The following UBE2E2 variants were observed in gnomAD, a reference collection of about 807,000 sequenced individuals.
UBE2E2 encodes ubiquitin-conjugating enzyme E2 E2.
A neutral mutation model predicts 24.7 loss-of-function variants in UBE2E2; 6 were observed. The ratio of observed to expected loss-of-function variants is 0.24; its 90% CI spans 0.13 to 0.48. UBE2E2 has a LOEUF of 0.48. UBE2E2 is among the 20% of genes least tolerant of loss of function. The pLI is 0.99. For missense variants in UBE2E2, 169 were observed against 245.0 expected (o/e 0.69, Z 2.07); for synonymous variants, 104 against 83.6 (o/e 1.24, Z -1.33).
At chr3:23,449,683 G>A (rs1398653170) in intron 3 of UBE2E2, among the ~76,000 whole-genome samples, 6 of 152,122 alleles carry the variant, frequency 3.9e-5, no homozygotes, top group Admixed American at 3.9e-4. Context: ...TTTCCTAGGG[G>A]ACTCAGGGGC....
intron 3 of UBE2E2, among the ~76,000 whole-genome samples, chr3:23,396,331 G>GTATATATATATGTATATATATACGTA (rs1575603864): frequency 1.4e-5 from 2 of 143,088 alleles, no homozygotes; most frequent in Non-Finnish European, 3.0e-5. Flanking sequence ...ATATATATAC[G>GTATATATATATGTATATATATACGTA]TATATATATA....
chr3:23,303,592 T>C (rs1032417268), intron 3 of UBE2E2, among the ~76,000 whole-genome samples: 1 of 152,180 alleles, frequency 6.6e-6, no homozygotes, highest in Non-Finnish European at 1.5e-5. Context: ...AACATTACTC[T>C]TAGGTAATAA....
intron 5 of UBE2E2, among the ~76,000 whole-genome samples, chr3:23,541,393 A>G (rs1461066625): frequency 6.6e-6 from 1 of 152,172 alleles, no homozygotes; most frequent in Non-Finnish European, 1.5e-5. Flanking sequence ...TGTAATAACT[A>G]CTTTCTCTTT....
At chr3:23,356,575 A>T (rs1007352264) in intron 3 of UBE2E2, among the ~76,000 whole-genome samples, 2 of 152,172 alleles carry the variant, frequency 1.3e-5, no homozygotes, top group African/African-American at 4.8e-5. Context: ...ACCCAAGTGC[A>T]TTCCTTGACT....
At chr3:23,554,646 T>A (rs1175940813) in intron 5 of UBE2E2, among the ~76,000 whole-genome samples, 4 of 152,120 alleles carry the variant, frequency 2.6e-5, no homozygotes. Context: ...GGGTAAAAGC[T>A]CCTTGACATT....
intron 3 of UBE2E2, among the ~76,000 whole-genome samples, chr3:23,253,875 A>ATTT (rs1697645369): frequency 6.6e-6 from 1 of 150,682 alleles, no homozygotes; most frequent in Non-Finnish European, 1.5e-5. Flanking sequence ...CTAGAAAAAG[A>ATTT]TAATTTATAA....
intron 3 of UBE2E2, among the ~76,000 whole-genome samples, chr3:23,231,895 A>T: frequency 6.6e-6 from 1 of 152,160 alleles, no homozygotes; most frequent in East Asian, 1.9e-4. Context: ...TGAGCACAGG[A>T]GCTTCTCTAC....
At position 23,223,017 on chromosome 3, in the gene UBE2E2, C is replaced by A. The variant is rs1390616154; in HGVS notation, c.227+5705C>A. On this transcript the variant is annotated intron_variant, in intron 3 of 5. Transcript: ENST00000396703. ...GAAATGTCTGTTTACATCTTTTGCC[C>A]CCCCCCCCTTTTTTTTTTTTTTTGA... 5.3e-5 allele frequency among the ~76,000 whole-genome samples: 5 copies of A among 93,814 alleles called. No homozygotes were observed. The Admixed American group carries it at 5.5e-4, about 10-fold the overall frequency. 61.5% of individuals were successfully genotyped at this position (93,814 alleles called of 152,430 possible).
intron 3 of UBE2E2, among the ~76,000 whole-genome samples, chr3:23,432,264 G>T (rs2125401333): frequency 6.6e-6 from 1 of 151,946 alleles, no homozygotes; most frequent in South Asian, 2.1e-4. Context: ...TTAATTAATT[G>T]GTTAATGCAT....
chr3:23,533,240 T>G, intron 5 of UBE2E2, among the ~76,000 whole-genome samples: 1 of 152,206 alleles, frequency 6.6e-6, no homozygotes, highest in South Asian at 2.1e-4. Context: ...AAAAAGTCTA[T>G]AGCCAGGCCT....
intron 3 of UBE2E2, among the ~76,000 whole-genome samples, chr3:23,358,651 A>G (rs1482481236): frequency 2.6e-5 from 4 of 152,214 alleles, no homozygotes; most frequent in African/African-American, 9.6e-5. Context: ...GGTTAAAACA[A>G]TCATGCTTTT....
At chr3:23,464,945 CAT>C (rs1367487439) in intron 3 of UBE2E2, among the ~76,000 whole-genome samples, 1 of 152,160 alleles carries the variant, frequency 6.6e-6, no homozygotes, top group Non-Finnish European at 1.5e-5. Context: ...TGCAGCTACA[CAT>C]GTGTATCTTC....
chr3:23,558,273 T>A (rs988180591), intron 5 of UBE2E2, among the ~76,000 whole-genome samples: 2 of 152,292 alleles, frequency 1.3e-5, no homozygotes, highest in East Asian at 3.9e-4. Context: ...GCTTAAGATG[T>A]TTCTTCTATA....
intron 3 of UBE2E2, among the ~76,000 whole-genome samples, chr3:23,327,332 C>T (rs1694928091): frequency 6.6e-6 from 1 of 152,150 alleles, no homozygotes; most frequent in African/African-American, 2.4e-5. Flanking sequence ...CTCTCCAGCA[C>T]CTGTTGTTTC....
chr3:23,350,111 T>A (rs1695694196), intron 3 of UBE2E2, among the ~76,000 whole-genome samples: 1 of 152,216 alleles, frequency 6.6e-6, no homozygotes, highest in Non-Finnish European at 1.5e-5. Context: ...CCACTGCTGA[T>A]ACCCAGGCAA....
intron 3 of UBE2E2, among the ~76,000 whole-genome samples, chr3:23,291,119 A>T (rs1361884396): frequency 6.6e-6 from 1 of 151,330 alleles, no homozygotes; most frequent in Admixed American, 6.6e-5. Context: ...TAGCCTATAG[A>T]ATATCTTTTG....
chr3:23,484,729 G>A lies in UBE2E2; in HGVS notation c.228-14879G>A, dbSNP rs191006818. ...GCTGGGAAGGCCTCACAATCATGGC[G>A]CGAGGTGAAGGGGGAGCAAAGGCAG... On this transcript the variant is annotated intron_variant, in intron 3 of 5. Coordinates refer to ENST00000396703, the MANE Select transcript of UBE2E2 (RefSeq NM_152653.4). Among the ~76,000 whole-genome samples, 644 of 152,306 alleles carry A rather than the reference G, an allele frequency of 4.2e-3. 5 individuals carry two copies. Among genetic ancestry groups the A allele is most frequent in the Admixed American group, 0.01 (157 of 15,302 alleles).
At chr3:23,476,150 A>G (rs1575654783) in intron 3 of UBE2E2, among the ~76,000 whole-genome samples, 1 of 152,026 alleles carries the variant, frequency 6.6e-6, no homozygotes, top group Non-Finnish European at 1.5e-5. Flanking sequence ...TCCCTTACCT[A>G]ACTTACTTTC....
intron 3 of UBE2E2, among the ~76,000 whole-genome samples, chr3:23,323,840 T>G (rs1694812758): frequency 6.6e-6 from 1 of 152,148 alleles, no homozygotes; most frequent in Non-Finnish European, 1.5e-5. Flanking sequence ...TCATAGCACT[T>G]TTGTACTTGC....
Sources: gnomAD v4.1 joint callset for allele counts (sites outside exome capture counted in the v4.1 genomes callset) on GRCh38, gnomAD v4.1.1 for gene constraint, MANE v1.5 for transcripts, NCBI Gene and HGNC (gene_info 2026-07-23, HGNC 2026-07-21) for gene names.